MRTFB: variants seen among roughly 807,000 people sequenced by gnomAD.
MRTFB encodes the protein myocardin related transcription factor B.
Under a neutral mutation model 104.2 loss-of-function variants are expected in MRTFB, and 29 were observed. The observed-to-expected ratio is 0.28, with a 90% CI of 0.21 to 0.38. The LOEUF is 0.38. Ranked by LOEUF, MRTFB falls within the 10% of genes least tolerant of loss-of-function variation. MRTFB has a pLI of 1.00. For missense variants in MRTFB, 1,270 were observed against 1,341.6 expected (o/e 0.95, Z 0.83); for synonymous variants, 535 against 519.5 (o/e 1.03, Z -0.41).
intron 10 of MRTFB, among the ~76,000 whole-genome samples, chr16:14,243,814 C>T (rs1395951146): frequency 6.6e-6 from 1 of 151,614 alleles, no homozygotes; most frequent in Non-Finnish European, 1.5e-5. Context: ...TCTCCCTTTT[C>T]CATGATCATC....
At chr16:14,170,571 C>T (rs936282624) in intron 3 of MRTFB, 2 of 152,276 alleles carry the variant, frequency 1.3e-5, no homozygotes, top group Non-Finnish European at 1.5e-5. Flanking sequence ...CCCTGATTAA[C>T]GTTTAGATCA....
intron 2 of MRTFB, among the ~76,000 whole-genome samples, chr16:14,128,622 A>C (rs1472431821): frequency 1.3e-5 from 2 of 152,166 alleles, no homozygotes; most frequent in African/African-American, 2.4e-5. Flanking sequence ...CAGATCTTAG[A>C]TATCTTTCCA....
rs748442455 is a variant in MRTFB at position 14,239,085 on chromosome 16, G to A, written c.832-1152G>A. 1.2e-4 allele frequency among the ~76,000 whole-genome samples: 19 copies of A among 152,136 alleles called. 1 individual carries two copies. ...TAAGAGCTGGCTCCAGCACCCCGCT[G>A]GCTATGTCCGTAAACTGTTATGTAA... On this transcript the variant is annotated intron_variant, in intron 9 of 16. Coordinates refer to ENST00000571589, the MANE Select transcript of MRTFB (RefSeq NM_001308142.2).
intron 15 of MRTFB, 36 bp downstream of exon 15, chr16:14,252,538 G>A (rs754306748): frequency 1.2e-6 from 2 of 1,612,070 alleles, no homozygotes; most frequent in Middle Eastern, 1.7e-4. Flanking sequence ...ATAAGGCTAT[G>A]GTGGATGTGC....
intron 3 of MRTFB, among the ~76,000 whole-genome samples, chr16:14,159,358 T>C (rs993889301): frequency 3.3e-5 from 5 of 152,206 alleles, no homozygotes; most frequent in Admixed American, 2.0e-4. Flanking sequence ...GAAGAAATTT[T>C]AAAAATTTCT....
At chr16:14,022,106 T>G in the MRTFB span, among the ~76,000 whole-genome samples, 9 of 152,230 alleles carry the variant, frequency 5.9e-5, no homozygotes, top group African/African-American at 2.2e-4. Flanking sequence ...ATCTCCCTAT[T>G]TTAAAGGCTA....
intron 3 of MRTFB, among the ~76,000 whole-genome samples, chr16:14,180,330 A>T (rs1396211376): frequency 1.3e-5 from 2 of 152,242 alleles, no homozygotes; most frequent in Admixed American, 1.3e-4. Context: ...AAAGTCTTTC[A>T]AATATCCATA....
At chr16:14,201,901 T>C (rs2040722716) in intron 3 of MRTFB, among the ~76,000 whole-genome samples, 1 of 152,218 alleles carries the variant, frequency 6.6e-6, no homozygotes, top group African/African-American at 2.4e-5. Flanking sequence ...AACTGTAAAC[T>C]AAACCAATCT....
chr16:14,114,521 G>C (rs1441788655), intron 2 of MRTFB, among the ~76,000 whole-genome samples: 1 of 152,068 alleles, frequency 6.6e-6, no homozygotes, highest in African/African-American at 2.4e-5. Context: ...TTTCTTCTGG[G>C]TAAAAGCTCG....
At chr16:14,186,845 C>T (rs1172854607) in intron 3 of MRTFB, 4 of 1,594,322 alleles carry the variant, frequency 2.5e-6, no homozygotes, top group South Asian at 1.1e-5. Flanking sequence ...TTCTGCGCAC[C>T]GCACTTCGCT....
chr16:14,166,207 GTTTTC>G (rs1257037385), intron 3 of MRTFB, among the ~76,000 whole-genome samples: 6 of 125,674 alleles, frequency 4.8e-5, no homozygotes, highest in African/African-American at 1.9e-4. Flanking sequence ...TTTTGTGTGG[GTTTTC>G]TTTTCTTTTT....
chr16:14,222,402 CATT>C (rs1305928612), intron 8 of MRTFB, among the ~76,000 whole-genome samples: 3 of 152,088 alleles, frequency 2.0e-5, no homozygotes, highest in Admixed American at 6.6e-5. Context: ...TTTCTTAAAA[CATT>C]ATGAGTTTTT....
chr16:14,163,858 A>G (rs1012804540), intron 3 of MRTFB, among the ~76,000 whole-genome samples: 25 of 151,148 alleles, frequency 1.7e-4, no homozygotes, highest in African/African-American at 5.6e-4. Flanking sequence ...AGCAGCTTTT[A>G]TTTATTTTCT....
the MRTFB span, among the ~76,000 whole-genome samples, chr16:14,045,344 A>G: frequency 0.029 from 4,366 of 152,254 alleles, 206 homozygotes; most frequent in African/African-American, 0.1. Context: ...AGTTGTGCCT[A>G]GATCCCGACA....
At chr16:14,067,924 T>C (rs866015462), upstream of MRTFB, among the ~76,000 whole-genome samples, 43 of 152,284 alleles carry the variant, frequency 2.8e-4, no homozygotes, top group African/African-American at 9.6e-4. Context: ...CTCCACCTCC[T>C]GGGTTCAAGA....
chr16:14,077,264 G>T (rs2141827296), intron 1 of MRTFB, among the ~76,000 whole-genome samples: 1 of 152,194 alleles, frequency 6.6e-6, no homozygotes, highest in East Asian at 1.9e-4. Context: ...GATCCACTTA[G>T]GATTTATTCT....
intron 6 of MRTFB, among the ~76,000 whole-genome samples, chr16:14,215,204 C>T (rs1187200595): frequency 2.6e-5 from 4 of 152,128 alleles, no homozygotes; most frequent in Non-Finnish European, 1.5e-5. Flanking sequence ...TTTAAGACTA[C>T]CCACCATTTA....
intron 3 of MRTFB, among the ~76,000 whole-genome samples, chr16:14,174,289 T>C (rs2039513429): frequency 6.6e-6 from 1 of 152,208 alleles, no homozygotes; most frequent in Non-Finnish European, 1.5e-5. Context: ...ACATTGTATC[T>C]GTTGTCCTTT....
At chr16:14,175,838 G>A (rs1486559550) in intron 3 of MRTFB, among the ~76,000 whole-genome samples, 1 of 152,152 alleles carries the variant, frequency 6.6e-6, no homozygotes, top group Non-Finnish European at 1.5e-5. Context: ...GAGTCACTAT[G>A]CTAAGGGAAA....
Sources: gnomAD v4.1 joint callset for allele counts (sites outside exome capture counted in the v4.1 genomes callset) on GRCh38, gnomAD v4.1.1 for gene constraint, MANE v1.5 for transcripts, NCBI Gene and HGNC (gene_info 2026-07-23, HGNC 2026-07-21) for gene names.